Variants in NOTCH3 observed in about 807,000 individuals in gnomAD.
NOTCH3 encodes notch receptor 3.
Under a neutral mutation model 213.3 loss-of-function variants are expected in NOTCH3, and 86 were observed. The ratio of observed to expected loss-of-function variants is 0.40; its 90% CI spans 0.34 to 0.48. The LOEUF (loss-of-function observed/expected upper bound fraction) is 0.48. Among genes scored for constraint, NOTCH3 ranks in the 20% least tolerant of loss-of-function variants. The pLI, the probability that NOTCH3 is intolerant of heterozygous loss-of-function variation, is 0.57. For synonymous variants in NOTCH3, 1,354 were observed against 1,355.9 expected, an observed-to-expected ratio of 1.00 and a Z score of 0.03; for missense variants, 2,783 against 3,272.6, an observed-to-expected ratio of 0.85 and a Z score of 3.65.
At chr19:15,180,351 A>G in intron 19 of NOTCH3, 95 bp from the exon 20 acceptor site, 4 of 1,389,592 alleles carry the variant, frequency 2.9e-6, no homozygotes, top group Non-Finnish European at 4.0e-6. Context: ...TGGTGGAATG[A>G]GTCCCCAGGA....
intron 1 of NOTCH3, among the ~76,000 whole-genome samples, chr19:15,199,568 G>A (rs1280085957): frequency 6.6e-6 from 1 of 152,022 alleles, no homozygotes; most frequent in Non-Finnish European, 1.5e-5. Flanking sequence ...CAATGTGTGA[G>A]CTGTGTGCGT....
At position 15,165,546 on chromosome 19, in the gene NOTCH3, G is replaced by T; in HGVS notation, c.5668-31C>A. On this transcript the variant is annotated intron_variant, in intron 30 of 32. Transcript: ENST00000263388. This position sits in a 1 kb window ranked among gnomAD's most constrained non-coding sequence, Gnocchi z 4.7. Reference sequence around the variant, plus strand: ...ACAGAGAGTGGATGCAGCAGGAGGGGTCATGGCAGGAACAGAGGAATCAGG... The same window carrying T: ...ACAGAGAGTGGATGCAGCAGGAGGGTTCATGGCAGGAACAGAGGAATCAGG... The T allele has an allele frequency of 6.2e-7, 1 of 1,607,172 alleles. No homozygotes were observed. Among genetic ancestry groups the T allele is most frequent in the South Asian group, 1.1e-5 (1 of 90,952 alleles).
chr19:15,188,932 G>A, intron 8 of NOTCH3, 57 bp downstream of exon 8: 1 of 1,541,844 alleles, frequency 6.5e-7, no homozygotes. Context: ...CCATCCGCGG[G>A]CTTCTCTGTC....
chr19:15,191,721 G>A (rs750456654), intron 5 of NOTCH3, 24 bp downstream of exon 5: 77 of 1,613,412 alleles, frequency 4.8e-5, no homozygotes, highest in Non-Finnish European at 5.8e-5. Context: ...CTGCCTCCCC[G>A]CTCCCTCTGG....
rs2046693510 is a variant in NOTCH3, at chr19:15,167,251, G to A, written c.5360C>T (p.Pro1787Leu). 1 of 1,611,936 alleles carries A rather than the reference G, an allele frequency of 6.2e-7. No homozygotes were observed. The change falls in exon 29 of 33, where the codon CCA becomes CTA. Residue 1787 changes from proline to leucine, a missense_variant and splice_region_variant. Coordinates refer to ENST00000263388, the MANE Select transcript of NOTCH3 (RefSeq NM_000435.3). ...TTGGGAGGGGCACTGTCACTAACCT[G>A]GGCCACGCACATTGACATCCATGCC... Reference protein sequence around the residue: ...ADGMDVNVRGPDGFTPLMLAS... With the variant: ...ADGMDVNVRGLDGFTPLMLAS...
In NOTCH3 at chr19:15,192,050, G is replaced by T. The variant is rs746681101; in HGVS notation, c.589C>A (p.Pro197Thr). The T allele has an allele frequency of 1.2e-6, 2 of 1,612,982 alleles. No individual in the cohort carries two copies. The highest frequency in any genetic ancestry group is 1.3e-5 in the African/African-American group (1 of 74,900). ...GGTGAGGGTGCACAGGGCACCGCGGGGTTCTCACATAGTGGCCCTGTGTAG... is the reference window on the plus strand; with the variant it reads ...GGTGAGGGTGCACAGGGCACCGCGGTGTTCTCACATAGTGGCCCTGTGTAG... ...AGYTGPLCEN[P>T]AVPCAPSPCR... Residue 197 changes from proline (P) to threonine (T), a missense_variant, in exon 4 of 33, where the codon CCC (proline) becomes ACC (threonine). Transcript: ENST00000263388.
Position 15,161,258 on chromosome 19 carries a change from C to G in NOTCH3, c.6370G>C (p.Glu2124Gln). ...GCAGTGGCAGCTGCATAGGGCCCCT[C>G]AAGGGGGAAGCCACCAGGGGAAGCA... Reference protein sequence around the residue: ...PPASPGGFPLEGPYAAATATA... With the variant: ...PPASPGGFPLQGPYAAATATA... The change falls in exon 33 of 33, where the codon GAG (glutamate) becomes CAG (glutamine). Residue 2124 changes from glutamate (E) to glutamine (Q), a missense_variant. By Grantham distance (29) the Glu-to-Gln change is conservative. Transcript: ENST00000263388. 1 of 1,545,074 alleles carries G rather than the reference C, an allele frequency of 6.5e-7. No individual in the cohort carries two copies. The highest frequency in any genetic ancestry group is 8.7e-7 in the Non-Finnish European group (1 of 1,148,880).
intron 25 of NOTCH3, among the ~76,000 whole-genome samples, chr19:15,172,620 G>T (rs2046743778): frequency 6.7e-6 from 1 of 150,324 alleles, no homozygotes; most frequent in African/African-American, 2.4e-5. Context: ...CTCCCTTCTG[G>T]TACCTCTACC....
rs753245814 is a variant in NOTCH3 at position 15,165,489 on chromosome 19, G to A, written c.5694C>T (p.Asp1898=). 3 of 1,612,922 alleles carry A rather than the reference G, an allele frequency of 1.9e-6. No individual in the cohort carries two copies. Among genetic ancestry groups the A allele is most frequent in the Non-Finnish European group, 2.5e-6 (3 of 1,180,032 alleles). The change falls in exon 31 of 33, where the codon GAC becomes GAT. Residue 1898 remains aspartate, a synonymous_variant. Coordinates refer to ENST00000263388, the MANE Select transcript of NOTCH3 (RefSeq NM_000435.3). This position sits in a 1 kb window ranked among gnomAD's most constrained non-coding sequence, Gnocchi z 4.7. The stretch of plus-strand genomic sequence containing the variant: ...AGCCATCTGCCATGCGGGCATCCAA[G>A]TCTGTAGAGCGGTTTCGGATGAGAA... ...FQILIRNRST[D]LDARMADGST...
rs774386192 is a variant in NOTCH3 at position 15,174,245 on chromosome 19, G to A, written c.4559C>T (p.Pro1520Leu). ...RGVLVLTVLLPPEELLRSSAD... is the reference protein window; with the variant it reads ...RGVLVLTVLLLPEELLRSSAD... ...GCTGGAACGCAGTAGCTCCTCTGGC[G>A]GCAGCAGCACTGTGAGCACCAGCAC... Residue 1520 changes from proline to leucine, a missense_variant, in exon 25 of 33, where the codon CCG becomes CTG. Pro to Leu is a moderately conservative substitution (Grantham distance 98, BLOSUM62 -3). Transcript: ENST00000263388. The A allele has an allele frequency of 3.8e-6, 6 of 1,589,276 alleles. No homozygotes were observed. The Admixed American group carries it at 5.3e-5, about 14-fold the overall frequency.
chr19:15,177,741 C>T lies in NOTCH3; in HGVS notation c.4187G>A (p.Arg1396His). The change falls in exon 24 of 33, where the codon CGC becomes CAC. Residue 1396 changes from arginine (R) to histidine (H), a missense_variant. By Grantham distance (29) the Arg-to-His change is conservative. Transcript: ENST00000263388. ...CTCGCGGTCGCAGCGCTGGTCCCCG[C>T]GCTTGGCCTGGCAGGCGGCGCGCGG... The part of the protein sequence containing the change: ...RCPRAACQAK[R>H]GDQRCDRECN... The T allele has an allele frequency of 1.4e-6, 2 of 1,463,550 alleles. No homozygotes were observed. The highest frequency in any genetic ancestry group is 1.8e-6 in the Non-Finnish European group (2 of 1,115,438). 90.7% of individuals were successfully genotyped at this position (1,463,550 alleles called of 1,614,324 possible).
At chr19:15,166,248 T>G (rs754911723) in intron 29 of NOTCH3, among the ~76,000 whole-genome samples, 157 bp from the exon 30 acceptor site, 30 of 152,200 alleles carry the variant, frequency 2.0e-4, no homozygotes, top group African/African-American at 6.7e-4. Flanking sequence ...TGAGGATTCG[T>G]GGGCACGTGA....
In NOTCH3 at chr19:15,160,110, G is replaced by A. The variant is rs1158260847; in HGVS notation, c.*552C>T. 11 of 234,308 alleles carry A rather than the reference G, an allele frequency of 4.7e-5. No homozygotes were observed. Among genetic ancestry groups the A allele is most frequent in the East Asian group, 1.8e-4 (3 of 16,594 alleles). The allele number at this position is 234,308 out of a possible 1,614,324, so 14.5% of individuals were successfully genotyped here. A position where few individuals can be genotyped will look rare whatever the true frequency, so the allele number is the denominator to read the frequency against. On this transcript the variant is annotated 3_prime_UTR_variant, in exon 33 of 33. Transcript: ENST00000263388. ...TGCCTACTTGGTACATACCTGGGTC[G>A]TGTACTCGGTACACGGGATCCCAGT...
Position 15,177,797 on chromosome 19 carries a change from C to G in NOTCH3, c.4131G>C (p.Ala1377=). The change falls in exon 24 of 33, where the codon GCG becomes GCC. Residue 1377 remains alanine, a synonymous_variant. Coordinates refer to ENST00000263388, the MANE Select transcript of NOTCH3 (RefSeq NM_000435.3). ...WTGPRCEAPA[A]APEVSEEPRC... Reference sequence around the variant, plus strand: ...GCGGCTCCTCCGAGACCTCGGGTGCCGCGGCGGGCGCCTCGCAGCGCGGCC... The same window carrying G: ...GCGGCTCCTCCGAGACCTCGGGTGCGGCGGCGGGCGCCTCGCAGCGCGGCC... The G allele has an allele frequency of 7.9e-7, 1 of 1,269,136 alleles. No individual in the cohort carries two copies. The highest frequency in any genetic ancestry group is 9.9e-7 in the Non-Finnish European group (1 of 1,013,952). The allele number at this position is 1,269,136 out of a possible 1,614,324, so 78.6% of individuals were successfully genotyped here.
Position 15,185,725 on chromosome 19 carries a change from G to T in NOTCH3, c.1952-46C>A. 6.3e-7 allele frequency: 1 copy of T among 1,599,386 alleles called. No individual in the cohort carries two copies. The highest frequency in any genetic ancestry group is 1.1e-5 in the South Asian group (1 of 90,798). The stretch of plus-strand genomic sequence containing the variant: ...CTCATCTCAGAACAAAGTCAGCAGG[G>T]ACAACCAGGGAGGGACGACGTGACC... On this transcript the variant is annotated intron_variant, in intron 12 of 32. Transcript: ENST00000263388. This position sits in a 1 kb window ranked among gnomAD's most constrained non-coding sequence, Gnocchi z 4.2.
chr19:15,161,081 G>A lies in NOTCH3; in HGVS notation c.6547C>T (p.Pro2183Ser). The A allele has an allele frequency of 6.5e-7, 1 of 1,541,734 alleles. No homozygotes were observed. ...GGCGCCAGTGGCAGCAGGAACGAGG[G>A]GCCTGGAGGGGCAGGTGGGGGCAGC... ...ARLPPPAPPG[P>S]SFLLPLAPGP... Residue 2183 changes from proline (P) to serine (S), a missense_variant, in exon 33 of 33, where the codon CCC (proline) becomes TCC (serine). Pro to Ser is a moderately conservative substitution (Grantham distance 74). Around this residue, in one of 6 missense-constraint regions of NOTCH3, gnomAD observed 441 missense variants for 432.1 expected, o/e 1.02. Coordinates refer to ENST00000263388, the MANE Select transcript of NOTCH3 (RefSeq NM_000435.3).
In NOTCH3 at chr19:15,180,057, G is replaced by C. The variant is rs1376732683; in HGVS notation, c.3327+15C>G. 1 of 1,583,480 alleles carries C rather than the reference G, an allele frequency of 6.3e-7. No homozygotes were observed. The highest frequency in any genetic ancestry group is 8.7e-7 in the Non-Finnish European group (1 of 1,154,066). ...GCCCACCTCCTCTTCCCTCTCCTGG[G>C]GAGCGCCCCCTTACCTCACACATGT... is the stretch of plus-strand genomic sequence containing the variant. On this transcript the variant is annotated intron_variant, in intron 20 of 32. Transcript: ENST00000263388.
chr19:15,161,448 G>A lies in NOTCH3; in HGVS notation c.6180C>T (p.Ser2060=). ...TCCCGGGGGGCCTCCTGCTCTTCTT[G>A]GACCCCGACTGTGCCGCTTTGAGGC... The part of the protein sequence containing the change: ...LPGLKAAQSG[S]KKSRRPPGKA... The change falls in exon 33 of 33, where the codon TCC becomes TCT. Residue 2060 remains serine, a synonymous_variant. Coordinates refer to ENST00000263388, the MANE Select transcript of NOTCH3 (RefSeq NM_000435.3). 6.4e-7 allele frequency: 1 copy of A among 1,554,168 alleles called. No individual in the cohort carries two copies. The highest frequency in any genetic ancestry group is 8.7e-7 in the Non-Finnish European group (1 of 1,147,728).
At chr19:15,186,776 G>T in intron 12 of NOTCH3, 102 bp downstream of exon 12, 2 of 934,500 alleles carry the variant, frequency 2.1e-6, no homozygotes, top group Non-Finnish European at 3.5e-6. Context: ...GGACAACCTC[G>T]TTGGACAAGA....
Sources: gnomAD v4.1 joint callset for allele counts (sites outside exome capture counted in the v4.1 genomes callset) on GRCh38, gnomAD v4.1.1 for gene constraint, gnomAD v4.1.1 regional missense constraint, Gnocchi (gnomAD v3.1) non-coding constraint, MANE v1.5 for transcripts, NCBI Gene and HGNC (gene_info 2026-07-23, HGNC 2026-07-21) for gene names.